TMEM44: variants seen among roughly 807,000 people sequenced by gnomAD.
TMEM44 encodes the protein transmembrane protein 44.
Under a neutral mutation model 47.8 loss-of-function variants are expected in TMEM44, and 43 were observed. That is an observed-to-expected ratio of 0.90 (90% CI 0.70 to 1.16). The LOEUF (loss-of-function observed/expected upper bound fraction) is 1.16, where lower values mean the gene tolerates loss of function less well. TMEM44 is among the 50% of genes most tolerant of loss of function. The pLI, the probability that TMEM44 is intolerant of heterozygous loss-of-function variation, is 0.00. For missense variants in TMEM44, 568 were observed against 555.2 expected, an observed-to-expected ratio of 1.02 and a Z score of -0.23; for synonymous variants, 277 against 238.8, an observed-to-expected ratio of 1.16 and a Z score of -1.48.
Position 194,617,118 on chromosome 3 carries a change from C to G in TMEM44, c.764G>C (p.Arg255Pro), listed in dbSNP as rs369611318. ...ATPWFLTSLG[R>P]AALDLAIIFL... ...GGATACAGCGAGGTCCAGTGCCGCA[C>G]GGCCGAGGGAGGTCAGGAACCAGGG... Residue 255 changes from arginine (R) to proline (P), a missense_variant, in exon 6 of 10, where the codon CGT becomes CCT. Coordinates refer to ENST00000347147, the MANE Select transcript of TMEM44 (RefSeq NM_001011655.3). 1 of 1,550,240 alleles carries G rather than the reference C, an allele frequency of 6.5e-7. No homozygotes were observed.
intron 6 of TMEM44, chr3:194,616,812 T>C (rs1030309416): frequency 8.5e-6 from 4 of 469,154 alleles, no homozygotes; most frequent in Non-Finnish European, 1.6e-5. Flanking sequence ...GGAGAATTGC[T>C]TGAAATTGGG....
At chr3:194,622,476 C>CA (rs1431021251) in intron 5 of TMEM44, 21 of 152,246 alleles carry the variant, frequency 1.4e-4, no homozygotes, top group African/African-American at 5.1e-4. Context: ...ACATCTTACC[C>CA]CCCCCAGCAC....
chr3:194,610,350 T>C lies in TMEM44; in HGVS notation c.1017+566A>G, dbSNP rs142796248. The stretch of plus-strand genomic sequence containing the variant: ...CCCCGAAATATGCCTCTTTAGCATA[T>C]GGATTCCTTAGATCTAAAGGTCTTT... On this transcript the variant is annotated intron_variant, in intron 8 of 9. Coordinates refer to ENST00000347147, the MANE Select transcript of TMEM44 (RefSeq NM_001011655.3). 5.9e-4 allele frequency among the ~76,000 whole-genome samples: 90 copies of C among 152,288 alleles called. 1 individual carries two copies. The East Asian group carries it at 0.015, about 25-fold the overall frequency.
rs1713869564 is a variant in TMEM44, at chr3:194,599,846, G to A, written c.1176+4441C>T. Among the ~76,000 whole-genome samples the A allele has an allele frequency of 6.2e-5, 9 of 144,272 alleles. No homozygotes were observed. The Admixed American group carries it at 6.6e-4, about 11-fold the overall frequency. 94.6% of individuals were successfully genotyped at this position (144,272 alleles called of 152,430 possible). ...TCGATCTCGGCTCACTGCAACCTCCGCCTCCCGAGTTCAAGTGATTCTCCT... is the reference window on the plus strand; with the variant it reads ...TCGATCTCGGCTCACTGCAACCTCCACCTCCCGAGTTCAAGTGATTCTCCT... On this transcript the variant is annotated intron_variant, in intron 9 of 9. Coordinates refer to ENST00000347147, the MANE Select transcript of TMEM44 (RefSeq NM_001011655.3).
At chr3:194,596,374 G>T (rs1713411740) in intron 9 of TMEM44, among the ~76,000 whole-genome samples, 2 of 152,216 alleles carry the variant, frequency 1.3e-5, no homozygotes, top group Non-Finnish European at 2.9e-5. Flanking sequence ...TAAGAGTACA[G>T]AAGTTTTCCA....
intron 9 of TMEM44, among the ~76,000 whole-genome samples, chr3:194,603,604 G>A (rs942527929): frequency 2.6e-5 from 4 of 152,084 alleles, no homozygotes; most frequent in Non-Finnish European, 4.4e-5. Flanking sequence ...CTCCATGTTG[G>A]CCAGGCTGGT....
In TMEM44 at chr3:194,626,647, A is replaced by G. The variant is rs115879183; in HGVS notation, c.265-657T>C. Among the ~76,000 whole-genome samples the G allele has an allele frequency of 9.4e-3, 1,422 of 151,872 alleles. 11 individuals are homozygous for G. The highest frequency in any genetic ancestry group is 0.016 in the Non-Finnish European group (1,104 of 67,968). On this transcript the variant is annotated intron_variant, in intron 2 of 9. Transcript: ENST00000347147. ...GGATGCTGGGATTCCAGGAGTCAAC[A>G]CAAAACGGTCTGTAGTGCCAAGTAT...
rs867634287 is a variant in TMEM44, at chr3:194,604,412, C to G, written c.1051G>C (p.Gly351Arg). 1 of 1,530,264 alleles carries G rather than the reference C, an allele frequency of 6.5e-7. No individual in the cohort carries two copies. Among genetic ancestry groups the G allele is most frequent in the South Asian group, 1.2e-5 (1 of 82,502 alleles). The allele number at this position is 1,530,264 out of a possible 1,614,324, so 94.8% of individuals were successfully genotyped here. A position where few individuals can be genotyped will look rare whatever the true frequency, so the allele number is the denominator to read the frequency against. The change falls in exon 9 of 10, where the codon GGG (glycine) becomes CGG (arginine). Residue 351 changes from glycine to arginine, a missense_variant. Gly to Arg is a moderately radical substitution (Grantham distance 125). Transcript: ENST00000347147. ...GCSATRLPGD[G>R]QTSAGDASLQ... ...GACGCATCTCCGGCGCTCGTCTGCCCGTCACCTGGCAGCCTGGTGGCACTG... is the reference window on the plus strand; with the variant it reads ...GACGCATCTCCGGCGCTCGTCTGCCGGTCACCTGGCAGCCTGGTGGCACTG...
intron 9 of TMEM44, among the ~76,000 whole-genome samples, chr3:194,600,178 G>A (rs1175554649): frequency 2.6e-5 from 4 of 152,156 alleles, no homozygotes; most frequent in Admixed American, 6.6e-5. Flanking sequence ...TGCAACCTCC[G>A]CCTTCCGGGC....
Position 194,598,384 on chromosome 3 carries a change from C to T in TMEM44, c.1176+5903G>A, listed in dbSNP as rs892593034. Among the ~76,000 whole-genome samples the T allele has an allele frequency of 2.0e-5, 3 of 152,184 alleles. No individual in the cohort carries two copies. In the East Asian group the frequency reaches 5.8e-4, roughly 29 times the overall value. On this transcript the variant is annotated intron_variant, in intron 9 of 9. Coordinates refer to ENST00000347147, the MANE Select transcript of TMEM44 (RefSeq NM_001011655.3). Reference sequence around the variant, plus strand: ...ATAATGGATAATAAACATGCTCCTGCACACCTTCCCGGGTACCAGTCTCTG... The same window carrying T: ...ATAATGGATAATAAACATGCTCCTGTACACCTTCCCGGGTACCAGTCTCTG...
chr3:194,619,673 G>C (rs552733530), intron 5 of TMEM44, among the ~76,000 whole-genome samples: 66 of 152,324 alleles, frequency 4.3e-4, no homozygotes, highest in African/African-American at 1.6e-3. Context: ...GGAGAGCCAG[G>C]GTCTGAAGCC....
In TMEM44 at chr3:194,633,150, G is replaced by A. The variant is rs1326345511; in HGVS notation, c.66C>T (p.Ala22=). The change falls in exon 1 of 10, where the codon GCC becomes GCT. Residue 22 remains alanine, a synonymous_variant. Coordinates refer to ENST00000347147, the MANE Select transcript of TMEM44 (RefSeq NM_001011655.3). The stretch of plus-strand genomic sequence containing the variant: ...CGAAGGAGATGCAGACGCGGTGGCG[G>A]GCGAAGCAGCGGTCCAGGTAGTCCC... ...WDWDYLDRCF[A]RHRVCISFGL... is the part of the protein sequence containing the mutation. 6.5e-7 allele frequency: 1 copy of A among 1,549,550 alleles called. No homozygotes were observed. The highest frequency in any genetic ancestry group is 8.7e-7 in the Non-Finnish European group (1 of 1,147,134).
intron 5 of TMEM44, among the ~76,000 whole-genome samples, chr3:194,618,493 G>A (rs971487967): frequency 8.1e-5 from 12 of 147,900 alleles, no homozygotes; most frequent in Admixed American, 7.5e-4. Flanking sequence ...TTCATTAGAT[G>A]AGTTCATATA....
chr3:194,621,628 C>T (rs1333009728), intron 5 of TMEM44, among the ~76,000 whole-genome samples: 1 of 152,204 alleles, frequency 6.6e-6, no homozygotes, highest in South Asian at 2.1e-4. Context: ...TGCAGCTTCA[C>T]TGACTTCACC....
chr3:194,614,729 G>T (rs1715694100), intron 7 of TMEM44, among the ~76,000 whole-genome samples: 2 of 152,132 alleles, frequency 1.3e-5, no homozygotes, highest in Non-Finnish European at 2.9e-5. Flanking sequence ...ATTTAAAAAT[G>T]AATATATTAA....
At position 194,628,504 on chromosome 3, in the gene TMEM44, A is replaced by G. The variant is rs1338084374; in HGVS notation, c.143T>C (p.Leu48Pro). Residue 48 changes from leucine to proline, a missense_variant, in exon 2 of 10, where the codon CTC becomes CCC. Leu to Pro is a moderately conservative substitution (Grantham distance 98). Coordinates refer to ENST00000347147, the MANE Select transcript of TMEM44 (RefSeq NM_001011655.3). ...SCWIAAHALL[L>P]YLRCAQKPRQ... The stretch of plus-strand genomic sequence containing the variant: ...GGGTTTCTGTGCACATCTCAGATAG[A>G]GAAGCCTGGGGTGACAGGGGTGTGG... 1.2e-6 allele frequency: 2 copies of G among 1,612,560 alleles called. No individual in the cohort carries two copies. The highest frequency in any genetic ancestry group is 1.7e-6 in the Non-Finnish European group (2 of 1,179,160).
chr3:194,604,547 G>C, intron 8 of TMEM44, 102 bp from the exon 9 acceptor site: 1 of 1,392,368 alleles, frequency 7.2e-7, no homozygotes, highest in South Asian at 1.5e-5. Flanking sequence ...ATGTACAAAA[G>C]GGTGTGCAGG....
At chr3:194,601,662 G>A (rs2109165069) in intron 9 of TMEM44, among the ~76,000 whole-genome samples, 1 of 152,082 alleles carries the variant, frequency 6.6e-6, no homozygotes, top group South Asian at 2.1e-4. Flanking sequence ...TCGCCAGGCT[G>A]GTCTCAAACT....
chr3:194,615,419 C>G, intron 7 of TMEM44, 150 bp downstream of exon 7: 1 of 1,123,200 alleles, frequency 8.9e-7, no homozygotes, highest in Admixed American at 2.4e-5. Context: ...ACTATTCCCT[C>G]AGCGAGACAG....
Sources: gnomAD v4.1 joint callset for allele counts (sites outside exome capture counted in the v4.1 genomes callset) on GRCh38, gnomAD v4.1.1 for gene constraint, MANE v1.5 for transcripts, NCBI Gene and HGNC (gene_info 2026-07-23, HGNC 2026-07-21) for gene names.